MTUS2: variants seen among roughly 807,000 people sequenced by gnomAD.
MTUS2 encodes microtubule associated scaffold protein 2, also known as microtubule-associated tumor suppressor candidate 2.
In MTUS2, 40 loss-of-function variants were observed where a neutral mutation model predicts 114.1. That is an observed-to-expected ratio of 0.35 (90% CI 0.27 to 0.46). The LOEUF is 0.46. Ranked by LOEUF, MTUS2 falls within the 20% of genes least tolerant of loss-of-function variation. MTUS2 has a pLI of 1.00. For synonymous variants in MTUS2, 688 were observed against 672.0 expected, an observed-to-expected ratio of 1.02 and a Z score of -0.37; for missense variants, 1,679 against 1,705.4, an observed-to-expected ratio of 0.98 and a Z score of 0.27.
chr13:29,282,048 AC>A (rs1321797688), intron 6 of MTUS2, among the ~76,000 whole-genome samples, 183 bp downstream of exon 6: 2 of 152,254 alleles, frequency 1.3e-5, no homozygotes, highest in African/African-American at 4.8e-5. Flanking sequence ...AATTCTCGTA[AC>A]TGCCTCTCAC....
At chr13:29,313,121 T>C (rs1426616170) in intron 6 of MTUS2, among the ~76,000 whole-genome samples, 1 of 152,134 alleles carries the variant, frequency 6.6e-6, no homozygotes, top group Non-Finnish European at 1.5e-5. Flanking sequence ...AGTAAAGCTG[T>C]GGCCCCAGAG....
At chr13:28,891,238 A>G (rs1260223223) in intron 2 of MTUS2, among the ~76,000 whole-genome samples, 1 of 152,240 alleles carries the variant, frequency 6.6e-6, no homozygotes, top group South Asian at 2.1e-4. Flanking sequence ...CAAAAGTTGC[A>G]GGTGGAACCA....
intron 9 of MTUS2, among the ~76,000 whole-genome samples, chr13:29,464,843 C>T (rs958260004): frequency 2.6e-5 from 4 of 152,218 alleles, no homozygotes; most frequent in Non-Finnish European, 4.4e-5. Context: ...TGCAGATTCT[C>T]AGCCCCTGCT....
chr13:29,139,845 C>T (rs1435906828), intron 5 of MTUS2, among the ~76,000 whole-genome samples: 1 of 152,210 alleles, frequency 6.6e-6, no homozygotes, highest in African/African-American at 2.4e-5. Context: ...GTCTCTGAGA[C>T]AGCAGGCACA....
chr13:29,452,878 C>T (rs1262587292), intron 9 of MTUS2, among the ~76,000 whole-genome samples: 2 of 152,134 alleles, frequency 1.3e-5, no homozygotes, highest in African/African-American at 4.8e-5. Context: ...TCAGCTGCCT[C>T]CACTGGTTTG....
chr13:28,829,796 AG>A lies in MTUS2; in HGVS notation c.-316+9187del, dbSNP rs575033242. On this transcript the variant is annotated intron_variant, in intron 1 of 15. Coordinates refer to ENST00000612955, the MANE Select transcript of MTUS2 (RefSeq NM_001033602.4). ...CAAGAGGTTAACCAAAAAACTTAAA[AG>A]GAAAAATTGGAAAAGGAGCTACCTA... is the stretch of plus-strand genomic sequence containing the variant. Among the ~76,000 whole-genome samples, 30 of 152,358 alleles carry A rather than the reference AG, an allele frequency of 2.0e-4. No homozygotes were observed. In the East Asian group the frequency reaches 5.2e-3, roughly 26 times the overall value.
rs113183386 is a variant in MTUS2, at chr13:29,042,213, A to G, written c.2446+8088A>G. Among the ~76,000 whole-genome samples, 560 of 152,206 alleles carry G rather than the reference A, an allele frequency of 3.7e-3. 2 individuals are homozygous for G. The highest frequency in any genetic ancestry group is 0.012 in the African/African-American group (486 of 41,532). ...TTTGTCAAATGCTTTTTCTGTGTCT[A>G]TTGAGATGATCATGTTATTTTTGTT... On this transcript the variant is annotated intron_variant, in intron 4 of 15. Coordinates refer to ENST00000612955, the MANE Select transcript of MTUS2 (RefSeq NM_001033602.4).
At chr13:29,126,402 A>C (rs1404456037) in intron 5 of MTUS2, among the ~76,000 whole-genome samples, 5 of 151,910 alleles carry the variant, frequency 3.3e-5, no homozygotes, top group Non-Finnish European at 7.4e-5. Context: ...CCAAACCTCC[A>C]CCACACTACA....
intron 4 of MTUS2, among the ~76,000 whole-genome samples, chr13:29,094,631 A>G (rs575292881): frequency 2.0e-5 from 3 of 151,948 alleles, no homozygotes; most frequent in African/African-American, 7.2e-5. Flanking sequence ...AAGAACTAGG[A>G]TTTTGTTTTC....
At chr13:29,330,810 C>A (rs942504967) in intron 7 of MTUS2, among the ~76,000 whole-genome samples, 3 of 152,060 alleles carry the variant, frequency 2.0e-5, no homozygotes, top group Non-Finnish European at 4.4e-5. Context: ...GTTTTGGTAC[C>A]AATACCATGC....
At chr13:29,049,429 C>G (rs1887786756) in intron 4 of MTUS2, among the ~76,000 whole-genome samples, 1 of 152,170 alleles carries the variant, frequency 6.6e-6, no homozygotes. Flanking sequence ...AGCTGTCAGT[C>G]ATATGCCAAA....
chr13:29,152,647 C>T (rs1892706396), intron 5 of MTUS2, among the ~76,000 whole-genome samples: 2 of 152,092 alleles, frequency 1.3e-5, no homozygotes, highest in African/African-American at 4.8e-5. Context: ...AGACCTCCCT[C>T]AGTTTCTAGC....
intron 5 of MTUS2, among the ~76,000 whole-genome samples, chr13:29,120,069 T>C (rs921268217): frequency 2.0e-5 from 3 of 152,178 alleles, no homozygotes; most frequent in Non-Finnish European, 2.9e-5. Flanking sequence ...CCATTACAAT[T>C]GATATCATGA....
At chr13:29,129,877 T>C (rs140779806) in intron 5 of MTUS2, among the ~76,000 whole-genome samples, 23 of 151,648 alleles carry the variant, frequency 1.5e-4, no homozygotes, top group African/African-American at 5.3e-4. Context: ...GAGGTGAGGG[T>C]TCTTGGTCCA....
chr13:28,855,358 A>T (rs555531542), intron 2 of MTUS2, among the ~76,000 whole-genome samples: 16 of 151,974 alleles, frequency 1.1e-4, no homozygotes, highest in Admixed American at 1.0e-3. Flanking sequence ...GCATCTGTCA[A>T]CCCATCACCT....
intron 2 of MTUS2, among the ~76,000 whole-genome samples, chr13:28,920,363 C>T (rs998470657): frequency 1.3e-5 from 2 of 152,200 alleles, no homozygotes; most frequent in Non-Finnish European, 2.9e-5. Context: ...GAAGAATTCT[C>T]TGGATTCCAG....
Position 29,420,432 on chromosome 13 carries a change from C to T in MTUS2, c.3118-19551C>T, listed in dbSNP as rs146325176. 6.3e-3 allele frequency among the ~76,000 whole-genome samples: 959 copies of T among 152,142 alleles called. 6 individuals are homozygous for T. Among genetic ancestry groups the T allele is most frequent in the African/African-American group, 0.021 (885 of 41,524 alleles). ...AGCTGGGATTTCAGGCCCCCGCTGCCGCGCCCAGCTAATTTTTGTATTTTT... is the reference window on the plus strand; with the variant it reads ...AGCTGGGATTTCAGGCCCCCGCTGCTGCGCCCAGCTAATTTTTGTATTTTT... On this transcript the variant is annotated intron_variant, in intron 8 of 15. Coordinates refer to ENST00000612955, the MANE Select transcript of MTUS2 (RefSeq NM_001033602.4).
At chr13:29,356,235 G>T (rs551272666) in intron 7 of MTUS2, among the ~76,000 whole-genome samples, 1 of 152,288 alleles carries the variant, frequency 6.6e-6, no homozygotes, top group East Asian at 1.9e-4. Context: ...TGATGGGAAA[G>T]AGGTCAGGAG....
chr13:29,031,237 G>GGTGTGTGTGTGTGTGT (rs59288953), intron 3 of MTUS2, among the ~76,000 whole-genome samples: 5,267 of 122,860 alleles, frequency 0.043, 186 homozygotes, highest in African/African-American at 0.062. Context: ...AGAACTAATA[G>GGTGTGTGTGTGTGTGT]GTGTGTGTGT....
Sources: allele counts gnomAD v4.1 joint callset (sites outside exome capture counted in the v4.1 genomes callset), GRCh38; gene constraint gnomAD v4.1.1; transcripts MANE v1.5; gene names NCBI Gene and HGNC (gene_info 2026-07-23, HGNC 2026-07-21).